The following SYT14 variants were observed in gnomAD, a reference collection of about 807,000 sequenced individuals.
SYT14 encodes synaptotagmin 14.
Under a neutral mutation model 74.2 loss-of-function variants are expected in SYT14, and 32 were observed. The observed-to-expected ratio is 0.43, with a 90% confidence interval of 0.33 to 0.58. The LOEUF (loss-of-function observed/expected upper bound fraction) is 0.58, where lower values mean the gene tolerates loss of function less well. Among genes scored for constraint, SYT14 ranks in the 20% least tolerant of loss-of-function variants. SYT14 has a pLI of 0.05. For missense variants in SYT14, 791 were observed against 981.8 expected (o/e 0.81, Z 2.60); for synonymous variants, 298 against 337.7 (o/e 0.88, Z 1.29).
rs892123577 is a variant in SYT14 at position 209,938,373 on chromosome 1, GCCT to G, written c.-534+100_-534+102del. On this transcript the variant is annotated intron_variant, in intron 1 of 9. Coordinates refer to ENST00000637265, the Ensembl canonical transcript of SYT14. ...GGCAGGCCGAGGCGCTGACGGGGCC[GCCT>G]CCTGTGGTCTGGAGCCGGCTGAAGA... 41 of 1,323,614 alleles carry G rather than the reference GCCT, an allele frequency of 3.1e-5. No homozygotes were observed. The African/African-American group carries it at 6.0e-4, about 19-fold the overall frequency. 82.0% of individuals were successfully genotyped at this position (1,323,614 alleles called of 1,614,324 possible). A position where few individuals can be genotyped will look rare whatever the true frequency, so the allele number is the denominator to read the frequency against.
At chr1:210,104,903 A>T (rs1285287635) in intron 7 of SYT14, among the ~76,000 whole-genome samples, 2 of 152,128 alleles carry the variant, frequency 1.3e-5, no homozygotes, top group African/African-American at 4.8e-5. Flanking sequence ...TATTATATAT[A>T]TGGTTTTTGG....
rs2081091115 is a variant in SYT14, at chr1:210,056,100, G to A, written c.1312+34846G>A. 2.6e-5 allele frequency among the ~76,000 whole-genome samples: 4 copies of A among 152,182 alleles called. 1 individual carries two copies. Among genetic ancestry groups the A allele is most frequent in the South Asian group, 4.1e-4 (2 of 4,822 alleles). On this transcript the variant is annotated intron_variant, in intron 5 of 9. Transcript: ENST00000637265. Reference sequence around the variant, plus strand: ...TCACTTTAAAAATTGATATAAATTAGCACCCAATGTGAAACTTACCTTTAT... The same window carrying A: ...TCACTTTAAAAATTGATATAAATTAACACCCAATGTGAAACTTACCTTTAT...
chr1:209,995,942 C>T (rs2079782006), intron 2 of SYT14, among the ~76,000 whole-genome samples: 1 of 152,020 alleles, frequency 6.6e-6, no homozygotes, highest in South Asian at 2.1e-4. Context: ...AAAATGGAGA[C>T]ACATCTTACT....
intron 2 of SYT14, among the ~76,000 whole-genome samples, chr1:209,986,994 G>A (rs553040823): frequency 6.6e-6 from 1 of 152,256 alleles, no homozygotes; most frequent in Non-Finnish European, 1.5e-5. Flanking sequence ...TCTTTGTTAA[G>A]GCATAATATG....
At chr1:210,004,994 T>C (rs1283358091) in intron 2 of SYT14, among the ~76,000 whole-genome samples, 1 of 151,982 alleles carries the variant, frequency 6.6e-6, no homozygotes, top group African/African-American at 2.4e-5. Context: ...AGTATGATGT[T>C]GATGTTGAGC....
At chr1:210,162,994 T>C (rs774521516) in exon 10 of SYT14, 2 of 453,256 alleles carry the variant, frequency 4.4e-6, no homozygotes, top group South Asian at 3.1e-5. Context: ...CTCATTTAAG[T>C]GTTTTCAGCA....
At chr1:210,042,680 C>T (rs777412457) in intron 5 of SYT14, among the ~76,000 whole-genome samples, 15 of 151,440 alleles carry the variant, frequency 9.9e-5, no homozygotes, top group East Asian at 1.9e-4. Flanking sequence ...AGATGTATGG[C>T]GTGAAGGCCT....
chr1:209,947,924 C>T (rs560742651), intron 1 of SYT14, among the ~76,000 whole-genome samples: 2 of 152,244 alleles, frequency 1.3e-5, no homozygotes, highest in East Asian at 1.9e-4. Context: ...CGAGACCCTT[C>T]GCCAGCAAAA....
chr1:210,120,265 CCA>C (rs1190545569), intron 7 of SYT14, among the ~76,000 whole-genome samples: 1 of 151,950 alleles, frequency 6.6e-6, no homozygotes, highest in Non-Finnish European at 1.5e-5. Context: ...CAGTCATGCA[CCA>C]CACATAATGT....
intron 5 of SYT14, among the ~76,000 whole-genome samples, chr1:210,023,017 C>T (rs929970229): frequency 6.6e-6 from 1 of 151,956 alleles, no homozygotes; most frequent in African/African-American, 2.4e-5. Context: ...TCCAAGTGCC[C>T]CAGAATCACC....
In SYT14 at chr1:210,146,339, A is replaced by G. The variant is rs575859408; in HGVS notation, c.2035-9382A>G. On this transcript the variant is annotated intron_variant, in intron 7 of 9. Transcript: ENST00000637265. ...CAGAGTGAGACTCGGTCTCAAAAAAAAAGAAAAAACAGTATATGGCCTATT... is the reference window on the plus strand; with the variant it reads ...CAGAGTGAGACTCGGTCTCAAAAAAGAAGAAAAAACAGTATATGGCCTATT... Among the ~76,000 whole-genome samples the G allele has an allele frequency of 4.6e-5, 7 of 151,014 alleles. No homozygotes were observed. The East Asian group carries it at 1.2e-3, about 26-fold the overall frequency.
At chr1:209,938,396 T>G in intron 1 of SYT14, 119 bp downstream of exon 1, 4 of 990,300 alleles carry the variant, frequency 4.0e-6, no homozygotes, top group Admixed American at 2.7e-5. Context: ...TGGAGCCGGC[T>G]GAAGACGCGC....
intron 2 of SYT14, among the ~76,000 whole-genome samples, chr1:209,978,493 A>G (rs2079414279): frequency 6.6e-6 from 1 of 152,196 alleles, no homozygotes; most frequent in Non-Finnish European, 1.5e-5. Context: ...TTGCCTGGGT[A>G]TCAGCAGCAG....
chr1:210,083,780 G>A (rs1409435827), intron 5 of SYT14, among the ~76,000 whole-genome samples: 2 of 149,940 alleles, frequency 1.3e-5, no homozygotes, highest in Admixed American at 6.6e-5. Flanking sequence ...CATTGCCCAG[G>A]CTTAGTCTCG....
At chr1:210,023,684 T>C (rs1271449401) in intron 5 of SYT14, among the ~76,000 whole-genome samples, 1 of 151,384 alleles carries the variant, frequency 6.6e-6, no homozygotes, top group African/African-American at 2.4e-5. Flanking sequence ...ATACAGAGAG[T>C]AGGAGGTGAT....
At chr1:210,021,361 A>T in intron 5 of SYT14, 107 bp downstream of exon 4, 1 of 1,020,254 alleles carries the variant, frequency 9.8e-7, no homozygotes, top group South Asian at 1.4e-5. Flanking sequence ...GAGAGCACAT[A>T]CAGTACAGTC....
chr1:209,957,908 AT>A (rs1429905093), intron 2 of SYT14, among the ~76,000 whole-genome samples: 1 of 151,474 alleles, frequency 6.6e-6, no homozygotes, highest in Non-Finnish European at 1.5e-5. Context: ...ACTTCTTAAT[AT>A]TTTTTCTTTT....
In SYT14 at chr1:209,986,096, A is replaced by G. The variant is rs139334968; in HGVS notation, c.-485-27537A>G. Reference sequence around the variant, plus strand: ...CCTTTTTAATTTTGCAAATTTCTCTAGGAAGTGGTTGCTCCGCAGCCTGCT... The same window carrying G: ...CCTTTTTAATTTTGCAAATTTCTCTGGGAAGTGGTTGCTCCGCAGCCTGCT... On this transcript the variant is annotated intron_variant, in intron 2 of 9. Transcript: ENST00000637265. Among the ~76,000 whole-genome samples, 473 of 152,296 alleles carry G rather than the reference A, an allele frequency of 3.1e-3. 7 individuals carry two copies. The highest frequency in any genetic ancestry group is 7.4e-4 in the Non-Finnish European group (50 of 68,014).
intron 7 of SYT14, among the ~76,000 whole-genome samples, chr1:210,126,179 G>C (rs1315760215): frequency 1.3e-5 from 2 of 151,810 alleles, no homozygotes; most frequent in East Asian, 3.9e-4. Context: ...CTCCAGCCTG[G>C]CGACAGAGTG....
Sources: allele counts gnomAD v4.1 joint callset (sites outside exome capture counted in the v4.1 genomes callset), GRCh38; gene constraint gnomAD v4.1.1; transcripts MANE v1.5; gene names NCBI Gene and HGNC (gene_info 2026-07-23, HGNC 2026-07-21).